Variants in SGMS1 observed in about 807,000 individuals in gnomAD.
SGMS1 encodes the protein sphingomyelin synthase 1, also known as phosphatidylcholine:ceramide cholinephosphotransferase 1.
In SGMS1, 13 loss-of-function variants were observed where a neutral mutation model predicts 46.2. That is an observed-to-expected ratio of 0.28 (90% CI 0.18 to 0.45). SGMS1 has a LOEUF of 0.45. SGMS1 is among the 20% of genes least tolerant of loss of function. The pLI, the probability that SGMS1 is intolerant of heterozygous loss-of-function variation, is 1.00. For missense variants in SGMS1, 324 were observed against 519.9 expected (o/e 0.62, Z 3.66); for synonymous variants, 203 against 187.8 (o/e 1.08, Z -0.66).
chr10:50,531,723 C>T (rs1342221246), intron 2 of SGMS1, among the ~76,000 whole-genome samples: 2 of 152,164 alleles, frequency 1.3e-5, no homozygotes, highest in African/African-American at 4.8e-5. Context: ...GCCCACCTTC[C>T]CTACCTGCCC....
intron 6 of SGMS1, among the ~76,000 whole-genome samples, chr10:50,367,584 G>A (rs1848366471): frequency 6.6e-6 from 1 of 151,064 alleles, no homozygotes; most frequent in Non-Finnish European, 1.5e-5. Flanking sequence ...TTTAAGAAAA[G>A]CACATGTAGA....
intron 5 of SGMS1, among the ~76,000 whole-genome samples, chr10:50,443,284 C>T (rs533241658): frequency 1.5e-4 from 23 of 152,198 alleles, no homozygotes; most frequent in African/African-American, 4.6e-4. Context: ...TACTAAGTGA[C>T]GGGGCTCAAT....
intron 6 of SGMS1, among the ~76,000 whole-genome samples, chr10:50,415,910 T>C (rs1405671611): frequency 6.6e-6 from 1 of 152,160 alleles, no homozygotes; most frequent in East Asian, 1.9e-4. Flanking sequence ...AAAGCCTGAA[T>C]AGCACTTGTG....
chr10:50,549,680 A>G (rs1359936016), intron 2 of SGMS1, among the ~76,000 whole-genome samples: 1 of 152,234 alleles, frequency 6.6e-6, no homozygotes, highest in Non-Finnish European at 1.5e-5. Context: ...CATCCTGCAC[A>G]TCTATCCCTG....
chr10:50,400,082 G>T (rs958470339), intron 6 of SGMS1, among the ~76,000 whole-genome samples: 1 of 151,524 alleles, frequency 6.6e-6, no homozygotes, highest in Non-Finnish European at 1.5e-5. Context: ...TGCGTGAGGT[G>T]CTAGGAATGG....
chr10:50,384,164 T>A (rs1029280703), intron 6 of SGMS1, among the ~76,000 whole-genome samples: 3 of 152,174 alleles, frequency 2.0e-5, no homozygotes, highest in Non-Finnish European at 4.4e-5. Flanking sequence ...GGTGTTTTGT[T>A]ATAGAAGACG....
chr10:50,476,369 G>A (rs1244217902), intron 3 of SGMS1, among the ~76,000 whole-genome samples: 1 of 151,816 alleles, frequency 6.6e-6, no homozygotes, highest in South Asian at 2.1e-4. Context: ...AGAGAAGCAG[G>A]GCACTGCTAT....
At chr10:50,573,417 C>T (rs1296746541) in intron 2 of SGMS1, among the ~76,000 whole-genome samples, 1 of 152,044 alleles carries the variant, frequency 6.6e-6, no homozygotes, top group East Asian at 1.9e-4. Context: ...AAAAAGGAAA[C>T]TAAGAACAAC....
At chr10:50,559,001 C>T (rs1838211487) in intron 2 of SGMS1, among the ~76,000 whole-genome samples, 1 of 152,008 alleles carries the variant, frequency 6.6e-6, no homozygotes, top group Admixed American at 6.6e-5. Context: ...GGTGGGGGTG[C>T]CTCTAACGCC....
intron 5 of SGMS1, among the ~76,000 whole-genome samples, chr10:50,448,303 A>G (rs1321032117): frequency 3.9e-5 from 6 of 152,288 alleles, no homozygotes; most frequent in Non-Finnish European, 8.8e-5. Context: ...AGAAGAGTAT[A>G]TTTTTTAACA....
chr10:50,610,110 A>G (rs751278610), intron 1 of SGMS1, among the ~76,000 whole-genome samples: 2 of 152,146 alleles, frequency 1.3e-5, no homozygotes, highest in African/African-American at 4.8e-5. Context: ...CACTAAGTCA[A>G]ATGGTCTTCC....
chr10:50,597,741 G>A (rs1197647801), intron 1 of SGMS1, among the ~76,000 whole-genome samples: 1 of 152,118 alleles, frequency 6.6e-6, no homozygotes, highest in Non-Finnish European at 1.5e-5. Flanking sequence ...GGCCGGGCGT[G>A]GTGGCTCACA....
At chr10:50,466,266 T>TA (rs1427257950) in intron 4 of SGMS1, among the ~76,000 whole-genome samples, 1 of 151,936 alleles carries the variant, frequency 6.6e-6, no homozygotes, top group Non-Finnish European at 1.5e-5. Context: ...TTTGAATTCT[T>TA]AAACAATATA....
intron 6 of SGMS1, among the ~76,000 whole-genome samples, chr10:50,357,721 ATAATT>A (rs1162031800): frequency 2.2e-4 from 33 of 152,356 alleles, no homozygotes; most frequent in African/African-American, 7.5e-4. Flanking sequence ...TATACTGAAT[ATAATT>A]TATTCTTTCC....
chr10:50,546,871 T>C (rs568294575), intron 2 of SGMS1, among the ~76,000 whole-genome samples: 4 of 151,858 alleles, frequency 2.6e-5, no homozygotes, highest in Non-Finnish European at 5.9e-5. Flanking sequence ...TAAAATATAA[T>C]AATAAAAAAA....
intron 2 of SGMS1, among the ~76,000 whole-genome samples, chr10:50,537,961 A>G (rs971951887): frequency 1.3e-5 from 2 of 152,062 alleles, no homozygotes; most frequent in African/African-American, 4.8e-5. Context: ...TTACATATTA[A>G]ATGTTTGGTC....
chr10:50,575,568 G>A (rs1838376645), intron 2 of SGMS1, among the ~76,000 whole-genome samples: 1 of 151,982 alleles, frequency 6.6e-6, no homozygotes, highest in African/African-American at 2.4e-5. Context: ...TTTAAAAAGA[G>A]GGTATATCTC....
rs7095681 is a variant in SGMS1 at position 50,315,218 on chromosome 10, A to T, written c.742-3803T>A. Among the ~76,000 whole-genome samples, 752 of 152,338 alleles carry T rather than the reference A, an allele frequency of 4.9e-3. 5 individuals carry two copies. The highest frequency in any genetic ancestry group is 0.017 in the African/African-American group (704 of 41,580). On this transcript the variant is annotated intron_variant, in intron 8 of 10. Coordinates refer to ENST00000361781, the MANE Select transcript of SGMS1 (RefSeq NM_147156.4). ...CCTCTATTAAGAGAAAAAAACAGGA[A>T]ACACAATGTTTGGTATAATTATAAC...
chr10:50,432,021 C>T (rs1203427), intron 6 of SGMS1, among the ~76,000 whole-genome samples: 125,542 of 152,154 alleles, frequency 0.83, 51,937 homozygotes, highest in East Asian at 1. Flanking sequence ...ACTTGAGTTA[C>T]AGCAAGCACT....
Sources: gnomAD v4.1 joint callset for allele counts (sites outside exome capture counted in the v4.1 genomes callset) on GRCh38, gnomAD v4.1.1 for gene constraint, MANE v1.5 for transcripts, NCBI Gene and HGNC (gene_info 2026-07-23, HGNC 2026-07-21) for gene names.